The following KIFAP3 variants were observed in gnomAD, a reference collection of about 807,000 sequenced individuals.
KIFAP3 encodes the protein kinesin associated protein 3.
In KIFAP3, 68 loss-of-function variants were observed where a neutral mutation model predicts 106.5. The ratio of observed to expected loss-of-function variants is 0.64; its 90% CI spans 0.53 to 0.78. KIFAP3 has a LOEUF of 0.78. Among genes scored for constraint, KIFAP3 ranks in the 30% least tolerant of loss-of-function variants. KIFAP3 has a pLI of 0.00. For missense variants in KIFAP3, 780 were observed against 941.8 expected (o/e 0.83, Z 2.25); for synonymous variants, 320 against 311.5 (o/e 1.03, Z -0.29).
intron 7 of KIFAP3, among the ~76,000 whole-genome samples, chr1:170,033,581 G>A (rs1287869542): frequency 6.6e-6 from 1 of 151,692 alleles, no homozygotes; most frequent in African/African-American, 2.4e-5. Flanking sequence ...GCTAAAATAT[G>A]ATAAATATCT....
At chr1:169,963,621 T>C (rs978679529) in intron 17 of KIFAP3, among the ~76,000 whole-genome samples, 12 of 152,108 alleles carry the variant, frequency 7.9e-5, no homozygotes, top group African/African-American at 2.2e-4. Context: ...GCCTCCAGAA[T>C]AGCTGAGATT....
chr1:169,932,679 A>AT (rs1663556922), intron 19 of KIFAP3, among the ~76,000 whole-genome samples: 1 of 149,582 alleles, frequency 6.7e-6, no homozygotes, highest in African/African-American at 2.5e-5. Context: ...CACTACTGAC[A>AT]TAACACCAGA....
upstream of KIFAP3, chr1:170,074,775 TTTGACGCACCGGG>T: frequency 8.1e-7 from 1 of 1,230,568 alleles, no homozygotes; most frequent in Non-Finnish European, 1.0e-6. Flanking sequence ...GGCCTCAGAG[TTTGACGCACCGGG>T]GAGCCGAGCA....
At chr1:169,951,715 TTA>T (rs1664740208) in intron 19 of KIFAP3, among the ~76,000 whole-genome samples, 1 of 151,840 alleles carries the variant, frequency 6.6e-6, no homozygotes, top group Non-Finnish European at 1.5e-5. Context: ...GTGAAAATGT[TTA>T]GTTTTTTAAA....
At chr1:170,081,145 C>G (rs1202428182) in intron 1 of KIFAP3, among the ~76,000 whole-genome samples, 1 of 152,022 alleles carries the variant, frequency 6.6e-6, no homozygotes, top group Non-Finnish European at 1.5e-5. Context: ...TGCCATAAAT[C>G]TATATGACAA....
rs1260952690 is a variant in KIFAP3 at position 170,074,695 on chromosome 1, T to G, written c.-228A>C. The G allele has an allele frequency of 1.4e-6, 2 of 1,408,134 alleles. No individual in the cohort carries two copies. 87.2% of individuals were successfully genotyped at this position (1,408,134 alleles called of 1,614,324 possible). On this transcript the variant is annotated 5_prime_UTR_variant, in exon 1 of 20. Transcript: ENST00000361580. Reference sequence around the variant, plus strand: ...CGGCCCAGACCCGCCCAGAGTCGCCTAAGCCGGGCCGTCACGACGCATGCG... The same window carrying G: ...CGGCCCAGACCCGCCCAGAGTCGCCGAAGCCGGGCCGTCACGACGCATGCG...
intron 10 of KIFAP3, among the ~76,000 whole-genome samples, chr1:170,012,688 G>A (rs372426712): frequency 2.6e-5 from 4 of 151,992 alleles, no homozygotes; most frequent in East Asian, 1.9e-4. Flanking sequence ...CATCATGTAC[G>A]GGATTGGTGC....
upstream of KIFAP3, among the ~76,000 whole-genome samples, chr1:170,075,688 T>G (rs1285925997): frequency 6.6e-6 from 1 of 152,222 alleles, no homozygotes; most frequent in Non-Finnish European, 1.5e-5. Context: ...ACACTATTTC[T>G]GTAGATGTTA....
intron 2 of KIFAP3, among the ~76,000 whole-genome samples, chr1:170,054,612 C>T (rs776783197): frequency 1.6e-4 from 24 of 152,080 alleles, no homozygotes; most frequent in Non-Finnish European, 3.2e-4. Context: ...ATATACATCA[C>T]GGAATAATAT....
chr1:170,055,666 T>C (rs1670810355), intron 1 of KIFAP3, among the ~76,000 whole-genome samples: 1 of 152,134 alleles, frequency 6.6e-6, no homozygotes, highest in African/African-American at 2.4e-5. Flanking sequence ...TTGTCATGCA[T>C]AAAGTATCTT....
intron 18 of KIFAP3, among the ~76,000 whole-genome samples, chr1:169,960,467 T>A (rs1665267013): frequency 6.6e-6 from 1 of 152,052 alleles, no homozygotes; most frequent in Admixed American, 6.6e-5. Context: ...TGGAAAAAGG[T>A]AGTAATGCAG....
chr1:169,938,528 G>A (rs1663930545), intron 19 of KIFAP3, among the ~76,000 whole-genome samples: 1 of 152,094 alleles, frequency 6.6e-6, no homozygotes, highest in Non-Finnish European at 1.5e-5. Context: ...AAATGAAACA[G>A]CATGGGAAAT....
At chr1:170,013,255 T>A (rs1159841201) in intron 10 of KIFAP3, among the ~76,000 whole-genome samples, 2 of 152,118 alleles carry the variant, frequency 1.3e-5, no homozygotes, top group Non-Finnish European at 2.9e-5. Flanking sequence ...CGACCTAAGA[T>A]AACTGTGTAT....
At chr1:170,007,414 G>A (rs1407840118) in intron 10 of KIFAP3, among the ~76,000 whole-genome samples, 1 of 151,488 alleles carries the variant, frequency 6.6e-6, no homozygotes, top group Non-Finnish European at 1.5e-5. Flanking sequence ...AATGAAGACA[G>A]GAAATGAAGA....
At chr1:170,030,049 T>C (rs1047036747) in intron 8 of KIFAP3, among the ~76,000 whole-genome samples, 1 of 151,882 alleles carries the variant, frequency 6.6e-6, no homozygotes, top group African/African-American at 2.4e-5. Context: ...TAGAAAATAA[T>C]TGTAACCTTT....
At chr1:170,069,554 GA>G (rs982363269) in intron 1 of KIFAP3, among the ~76,000 whole-genome samples, 2 of 151,676 alleles carry the variant, frequency 1.3e-5, no homozygotes, top group African/African-American at 4.8e-5. Flanking sequence ...ATGGAATGAA[GA>G]AAAAAAGTAC....
intron 19 of KIFAP3, among the ~76,000 whole-genome samples, chr1:169,937,319 A>C (rs1663861519): frequency 6.6e-6 from 1 of 151,808 alleles, no homozygotes; most frequent in South Asian, 2.1e-4. Flanking sequence ...TCTATATTTT[A>C]TCCTATATTT....
intron 3 of KIFAP3, among the ~76,000 whole-genome samples, chr1:170,039,522 C>T (rs1669869081): frequency 6.6e-6 from 1 of 152,110 alleles, no homozygotes; most frequent in Admixed American, 6.5e-5. Flanking sequence ...CCAACTTCCT[C>T]CTTGGTTAAC....
At chr1:169,958,571 C>T (rs1665152899) in intron 18 of KIFAP3, among the ~76,000 whole-genome samples, 2 of 152,238 alleles carry the variant, frequency 1.3e-5, no homozygotes, top group Admixed American at 1.3e-4. Context: ...TTACAAGACA[C>T]ATCACAGAAA....
Sources: allele counts gnomAD v4.1 joint callset (sites outside exome capture counted in the v4.1 genomes callset), GRCh38; gene constraint gnomAD v4.1.1; transcripts MANE v1.5; gene names NCBI Gene and HGNC (gene_info 2026-07-23, HGNC 2026-07-21).